The following IMMP2L variants were observed in gnomAD, a reference collection of about 807,000 sequenced individuals.
The protein encoded by IMMP2L is mitochondrial inner membrane protease subunit 2.
IMMP2L carries 18 observed loss-of-function variants against 19.3 expected under a neutral mutation model. The observed-to-expected ratio is 0.93, with a 90% CI of 0.64 to 1.38. IMMP2L has a LOEUF of 1.38. Among genes scored for constraint, IMMP2L ranks in the 40% most tolerant of loss-of-function variants. IMMP2L has a pLI of 0.00. For synonymous variants in IMMP2L, 76 were observed against 73.0 expected (o/e 1.04, Z -0.21); for missense variants, 233 against 218.2 (o/e 1.07, Z -0.43).
chr7:111,409,906 C>T (rs555273755), intron 3 of IMMP2L, among the ~76,000 whole-genome samples: 1 of 151,786 alleles, frequency 6.6e-6, no homozygotes, highest in African/African-American at 2.4e-5. Context: ...CCTATTCCAA[C>T]CTAGATGCAA....
chr7:111,415,410 A>T (rs1327276699), intron 3 of IMMP2L, among the ~76,000 whole-genome samples: 1 of 151,790 alleles, frequency 6.6e-6, no homozygotes, highest in African/African-American at 2.4e-5. Context: ...AGCTATGCCC[A>T]GACTTTTGCC....
chr7:111,163,704 C>T (rs1013582747), intron 3 of IMMP2L, among the ~76,000 whole-genome samples: 4 of 151,970 alleles, frequency 2.6e-5, no homozygotes, highest in African/African-American at 7.2e-5. Flanking sequence ...TTGTGTGCAG[C>T]GCAGCCAGCT....
chr7:111,025,845 T>C (rs1045158970), intron 3 of IMMP2L, among the ~76,000 whole-genome samples: 2 of 152,322 alleles, frequency 1.3e-5, no homozygotes, highest in South Asian at 2.1e-4. Flanking sequence ...TTTAAATCTG[T>C]TTTAACATTG....
chr7:111,292,586 T>C (rs1344898242), intron 3 of IMMP2L, among the ~76,000 whole-genome samples: 2 of 152,002 alleles, frequency 1.3e-5, no homozygotes, highest in African/African-American at 4.8e-5. Context: ...ACATATTATG[T>C]GTCACTAATG....
chr7:110,950,851 T>TAC (rs1235960805), intron 4 of IMMP2L, among the ~76,000 whole-genome samples: 58 of 124,222 alleles, frequency 4.7e-4, no homozygotes, highest in Non-Finnish European at 6.9e-4. Flanking sequence ...CATATATATA[T>TAC]ATATATATAT....
At chr7:111,231,999 T>C (rs1161293809) in intron 3 of IMMP2L, among the ~76,000 whole-genome samples, 1 of 152,000 alleles carries the variant, frequency 6.6e-6, no homozygotes, top group Non-Finnish European at 1.5e-5. Flanking sequence ...AAAAGCCCTA[T>C]TAAACAAAAT....
At chr7:110,692,699 A>T (rs2130557612) in intron 5 of IMMP2L, among the ~76,000 whole-genome samples, 1 of 152,286 alleles carries the variant, frequency 6.6e-6, no homozygotes, top group East Asian at 1.9e-4. Flanking sequence ...TGTGGGGAAA[A>T]ATAGCTCTTT....
At chr7:110,905,600 T>G (rs1450507419) in intron 4 of IMMP2L, among the ~76,000 whole-genome samples, 8 of 152,138 alleles carry the variant, frequency 5.3e-5, no homozygotes, top group Non-Finnish European at 1.5e-5. Context: ...AAAAGGCATT[T>G]TGGGCAGAAG....
chr7:111,281,269 G>T (rs1563005618), intron 3 of IMMP2L, among the ~76,000 whole-genome samples: 1 of 147,902 alleles, frequency 6.8e-6, no homozygotes, highest in East Asian at 2.0e-4. Context: ...AAGAGAGAGA[G>T]AAAGAAAGAG....
intron 5 of IMMP2L, among the ~76,000 whole-genome samples, chr7:110,809,593 C>G (rs927999550): frequency 1.3e-5 from 2 of 151,716 alleles, no homozygotes; most frequent in Non-Finnish European, 2.9e-5. Context: ...CGGGCCAGAC[C>G]AAAAGGTAAT....
intron 5 of IMMP2L, among the ~76,000 whole-genome samples, chr7:110,751,863 T>A (rs1797740332): frequency 6.6e-6 from 1 of 152,040 alleles, no homozygotes; most frequent in Admixed American, 6.6e-5. Context: ...ATACATGGAT[T>A]ATGACCTTAT....
In IMMP2L at chr7:110,745,155, A is replaced by C. The variant is rs1408187563; in HGVS notation, c.409-81434T>G. On this transcript the variant is annotated intron_variant, in intron 5 of 5. Transcript: ENST00000405709. ...TCAAGAGGAAGAAAGGATATCAGAG[A>C]CAGAAGATCAACTCAATGAAATAAA... Among the ~76,000 whole-genome samples the C allele has an allele frequency of 2.6e-5, 4 of 152,220 alleles. No homozygotes were observed. In the East Asian group the frequency reaches 7.7e-4, roughly 29 times the overall value.
At chr7:111,153,518 A>T (rs2129603693) in intron 3 of IMMP2L, among the ~76,000 whole-genome samples, 1 of 152,166 alleles carries the variant, frequency 6.6e-6, no homozygotes, top group East Asian at 1.9e-4. Flanking sequence ...TTTTCATGGT[A>T]AGGAAATTGA....
rs1800880883 is a variant in IMMP2L, at chr7:111,123,329, C to T, written c.240-159764G>A. The T allele has an allele frequency of 1.9e-6, 3 of 1,613,774 alleles. No individual in the cohort carries two copies. Among genetic ancestry groups the T allele is most frequent in the Non-Finnish European group, 2.5e-6 (3 of 1,179,894 alleles). ...ATGATCAACAGTAAGTGGTTTGATG[C>T]TCTTCCAAATCTAGAGATTCTGATG... On this transcript the variant is annotated intron_variant, in intron 3 of 5. Transcript: ENST00000405709. The surrounding 1 kb of genome is among the most constrained non-coding windows in gnomAD (Gnocchi z 6.4).
At chr7:111,149,707 C>A (rs1290307077) in intron 3 of IMMP2L, among the ~76,000 whole-genome samples, 1 of 152,132 alleles carries the variant, frequency 6.6e-6, no homozygotes, top group Non-Finnish European at 1.5e-5. Context: ...TTCAAATCCA[C>A]ACTGTTCAAG....
intron 5 of IMMP2L, among the ~76,000 whole-genome samples, chr7:110,842,050 G>A (rs150483374): frequency 6.6e-6 from 1 of 152,126 alleles, no homozygotes; most frequent in East Asian, 1.9e-4. Context: ...TGTAAAATGG[G>A]GCAGAAACAC....
chr7:110,760,706 T>C lies in IMMP2L; in HGVS notation c.409-96985A>G, dbSNP rs1798303061. Among the ~76,000 whole-genome samples, 2 of 152,154 alleles carry C rather than the reference T, an allele frequency of 1.3e-5. No homozygotes were observed. Among genetic ancestry groups the C allele is most frequent in the Admixed American group, 6.6e-5 (1 of 15,236 alleles). ...CTTTCTTTTTGTTCTACAATATATT[T>C]ATTTCAAAATCTCTCATAGCACTTC... On this transcript the variant is annotated intron_variant, in intron 5 of 5. Transcript: ENST00000405709. The surrounding 1 kb of genome is among the most constrained non-coding windows in gnomAD (Gnocchi z 4.2).
At chr7:110,843,010 TA>T (rs1033305907) in intron 5 of IMMP2L, among the ~76,000 whole-genome samples, 1 of 152,048 alleles carries the variant, frequency 6.6e-6, no homozygotes, top group Admixed American at 6.6e-5. Flanking sequence ...TCGAATCAGA[TA>T]AAAAAAATCT....
intron 5 of IMMP2L, among the ~76,000 whole-genome samples, chr7:110,750,221 T>A (rs1797634982): frequency 6.6e-6 from 1 of 151,732 alleles, no homozygotes; most frequent in Admixed American, 6.6e-5. Flanking sequence ...CAGAAACACA[T>A]CAATACACAT....
Sources: allele counts gnomAD v4.1 joint callset (sites outside exome capture counted in the v4.1 genomes callset), GRCh38; gene constraint gnomAD v4.1.1; non-coding constraint Gnocchi (gnomAD v3.1); transcripts MANE v1.5; gene names NCBI Gene and HGNC (gene_info 2026-07-23, HGNC 2026-07-21).